The following MAP3K10 variants were observed in gnomAD, a reference collection of about 807,000 sequenced individuals.
The protein encoded by MAP3K10 is mitogen-activated protein kinase kinase kinase 10, also known as MKN28 derived nonreceptor_type serine/threonine kinase.
MAP3K10 carries 22 observed loss-of-function variants against 75.0 expected under a neutral mutation model. The observed-to-expected ratio is 0.29, with a 90% CI of 0.21 to 0.42. The LOEUF (loss-of-function observed/expected upper bound fraction) is 0.42. MAP3K10 is among the 10% of genes least tolerant of loss of function. The pLI, the probability that MAP3K10 is intolerant of heterozygous loss-of-function variation, is 1.00. For synonymous variants in MAP3K10, 599 were observed against 612.9 expected (o/e 0.98, Z 0.34); for missense variants, 1,165 against 1,379.8 (o/e 0.84, Z 2.47).
At chr19:40,203,640 C>G (rs1200431076) in intron 2 of MAP3K10, among the ~76,000 whole-genome samples, 2 of 152,246 alleles carry the variant, frequency 1.3e-5, no homozygotes, top group Non-Finnish European at 2.9e-5. Flanking sequence ...TCAGCTAAAG[C>G]AGGGGTCATA....
chr19:40,201,422 T>C (rs1428735457), intron 2 of MAP3K10, among the ~76,000 whole-genome samples: 1 of 151,892 alleles, frequency 6.6e-6, no homozygotes, highest in Non-Finnish European at 1.5e-5. Context: ...CTTGATCTCT[T>C]GACCTCATGA....
rs374400723 is a variant in MAP3K10, at chr19:40,215,226, C to T, written c.2799C>T (p.Asp933=). ...GPPSVQPTLL[D]MDMEGQNQDS... is the part of the protein sequence containing the mutation. ...CCAGCGTGCAGCCCACACTGCTGGA[C>T]ATGGACATGGAGGGGCAGAACCAAG... The change falls in exon 10 of 10, where the codon GAC becomes GAT. Residue 933 remains aspartate (D), a synonymous_variant. Transcript: ENST00000253055. 1.9e-6 allele frequency: 3 copies of T among 1,564,918 alleles called. No individual in the cohort carries two copies. In the African/African-American group the frequency reaches 4.1e-5, roughly 21 times the overall value.
In MAP3K10 at chr19:40,204,485, C is replaced by T. The variant is rs939515402; in HGVS notation, c.864C>T (p.Ser288=). The T allele has an allele frequency of 1.2e-6, 2 of 1,612,598 alleles. No homozygotes were observed. Among genetic ancestry groups the T allele is most frequent in the African/African-American group, 1.3e-5 (1 of 74,916 alleles). ...SLFSKSSDVW[S]FGVLLWELLT... ...ACCCCTCCCTCTCCCCTGCCTGCAG[C>T]TTCGGGGTGCTGCTGTGGGAGCTGC... Residue 288 remains serine, a splice_region_variant and synonymous_variant, in exon 3 of 10, where the codon AGC becomes AGT. Coordinates refer to ENST00000253055, the MANE Select transcript of MAP3K10 (RefSeq NM_002446.4). The surrounding 1 kb of genome is among the most constrained non-coding windows in gnomAD (Gnocchi z 4.3).
chr19:40,208,096 C>G (rs1032294518), intron 5 of MAP3K10, among the ~76,000 whole-genome samples: 5 of 152,138 alleles, frequency 3.3e-5, no homozygotes, highest in African/African-American at 1.2e-4. Flanking sequence ...TATACATACC[C>G]AAGTTGCTCC....
chr19:40,196,936 G>A (rs1176048010), intron 1 of MAP3K10, among the ~76,000 whole-genome samples: 2 of 152,180 alleles, frequency 1.3e-5, no homozygotes, highest in Non-Finnish European at 2.9e-5. Context: ...GGCTGTTAGT[G>A]ACAACCCGGG....
chr19:40,205,450 TTGG>T lies in MAP3K10; in HGVS notation c.1188+158_1188+160del, dbSNP rs1370187453. The T allele has an allele frequency of 5.4e-6, 4 of 739,342 alleles. No individual in the cohort carries two copies. In the African/African-American group the frequency reaches 7.1e-5, roughly 13 times the overall value. 45.8% of individuals were successfully genotyped at this position (739,342 alleles called of 1,614,324 possible). On this transcript the variant is annotated intron_variant, in intron 4 of 9. Coordinates refer to ENST00000253055, the MANE Select transcript of MAP3K10 (RefSeq NM_002446.4). The surrounding 1 kb of genome is among the most constrained non-coding windows in gnomAD (Gnocchi z 4.3). ...CATATTAAGAAAAGACAGCCTCCTG[TTGG>T]TGGATTAATAAGAAAAAGGCACCCT...
intron 2 of MAP3K10, among the ~76,000 whole-genome samples, chr19:40,200,522 C>G (rs920857123): frequency 6.6e-6 from 1 of 150,948 alleles, no homozygotes; most frequent in African/African-American, 2.4e-5. Flanking sequence ...TGAGACAGAT[C>G]AGACAGGAAG....
Position 40,214,072 on chromosome 19 carries a change from A to C in MAP3K10, c.2393A>C (p.Glu798Ala). 2 of 1,344,410 alleles carry C rather than the reference A, an allele frequency of 1.5e-6. No individual in the cohort carries two copies. Among genetic ancestry groups the C allele is most frequent in the Non-Finnish European group, 1.9e-6 (2 of 1,028,750 alleles). The allele number at this position is 1,344,410 out of a possible 1,614,324, so 83.3% of individuals were successfully genotyped here. The change falls in exon 9 of 10, where the codon GAG becomes GCG. Residue 798 changes from glutamate (E) to alanine (A), a missense_variant. Transcript: ENST00000253055. ...SPSTNPLVDL[E>A]LESFKKDPRQ... ...AGCACCAACCCCCTGGTGGACCTGG[A>C]GCTGGAGAGCTTCAAGAAGGACCCC...
intron 9 of MAP3K10, 21 bp downstream of exon 9, chr19:40,214,242 C>T: frequency 7.3e-7 from 1 of 1,374,510 alleles, no homozygotes. Context: ...CGCCCTGCAC[C>T]CAGGTCACAG....
chr19:40,191,932 C>T lies in MAP3K10; in HGVS notation c.-100C>T. 1.3e-6 allele frequency: 1 copy of T among 772,602 alleles called. No homozygotes were observed. Among genetic ancestry groups the T allele is most frequent in the Non-Finnish European group, 1.9e-6 (1 of 518,460 alleles). The allele number at this position is 772,602 out of a possible 1,614,324, so 47.9% of individuals were successfully genotyped here. A position where few individuals can be genotyped will look rare whatever the true frequency, so the allele number is the denominator to read the frequency against. Reference sequence around the variant, plus strand: ...ATGGCCCTCAGGAGCTCCCTAGACCCCGCAGGGACTGCCCTCCATCCCGGC... The same window carrying T: ...ATGGCCCTCAGGAGCTCCCTAGACCTCGCAGGGACTGCCCTCCATCCCGGC... On this transcript the variant is annotated 5_prime_UTR_variant, in exon 1 of 10. Coordinates refer to ENST00000253055, the MANE Select transcript of MAP3K10 (RefSeq NM_002446.4).
intron 1 of MAP3K10, among the ~76,000 whole-genome samples, chr19:40,197,545 C>T (rs1030880744): frequency 6.6e-6 from 1 of 152,056 alleles, no homozygotes; most frequent in East Asian, 1.9e-4. Context: ...AGGCTGGTCT[C>T]GAACTCCTGA....
rs1405624643 is a variant in MAP3K10 at position 40,215,191 on chromosome 19, C to G, written c.2764C>G (p.Pro922Ala). 5 of 1,589,760 alleles carry G rather than the reference C, an allele frequency of 3.1e-6. No individual in the cohort carries two copies. The highest frequency in any genetic ancestry group is 1.8e-5 in the Admixed American group (1 of 56,872). ...PPSRPDTPES[P>A]GPPSVQPTLL... is the part of the protein sequence containing the mutation. ...CAGCAGGCCAGACACTCCGGAGAGC[C>G]CTGGGCCCCCCAGCGTGCAGCCCAC... Residue 922 changes from proline (P) to alanine (A), a missense_variant, in exon 10 of 10, where the codon CCT (proline) becomes GCT (alanine). Pro to Ala is a conservative substitution (Grantham distance 27). This residue lies in a region of MAP3K10 where 590 missense variants were observed against 586.6 expected (regional missense o/e 1.01). Coordinates refer to ENST00000253055, the MANE Select transcript of MAP3K10 (RefSeq NM_002446.4).
At chr19:40,196,558 A>G (rs1972910537) in intron 1 of MAP3K10, among the ~76,000 whole-genome samples, 1 of 152,182 alleles carries the variant, frequency 6.6e-6, no homozygotes, top group African/African-American at 2.4e-5. Context: ...TCGCTCTGTC[A>G]TCCAGGTTGA....
chr19:40,206,976 G>A (rs551293561), intron 5 of MAP3K10, among the ~76,000 whole-genome samples: 248 of 152,138 alleles, frequency 1.6e-3, no homozygotes, highest in Non-Finnish European at 3.0e-3. Flanking sequence ...GCACACGCCT[G>A]TAATCTCAGT....
Position 40,192,285 on chromosome 19 carries a change from C to G in MAP3K10, c.254C>G (p.Ala85Gly). ...GCCCCCGGCGCCCCCGCTGCACCCG[C>G]GGGCCTCCAGCTGCCCCAGGAGATC... is the stretch of plus-strand genomic sequence containing the variant. ...YVAPGAPAAP[A>G]GLQLPQEIPF... The change falls in exon 1 of 10, where the codon GCG becomes GGG. Residue 85 changes from alanine (A) to glycine (G), a missense_variant. Physicochemically the swap from Ala to Gly is moderately conservative, Grantham distance 60. This residue lies in a region of MAP3K10 where 575 missense variants were observed against 793.2 expected (regional missense o/e 0.72). Coordinates refer to ENST00000253055, the MANE Select transcript of MAP3K10 (RefSeq NM_002446.4). The surrounding 1 kb of genome is among the most constrained non-coding windows in gnomAD (Gnocchi z 7.1). The G allele has an allele frequency of 6.3e-7, 1 of 1,594,086 alleles. No homozygotes were observed. The highest frequency in any genetic ancestry group is 8.5e-7 in the Non-Finnish European group (1 of 1,173,390).
At chr19:40,208,161 G>GT (rs1366919204) in intron 5 of MAP3K10, among the ~76,000 whole-genome samples, 2 of 151,540 alleles carry the variant, frequency 1.3e-5, no homozygotes, top group African/African-American at 4.8e-5. Context: ...TTTGTTGTTT[G>GT]TTTTTTTGTT....
intron 2 of MAP3K10, among the ~76,000 whole-genome samples, chr19:40,203,450 T>C (rs1973061489): frequency 6.6e-6 from 1 of 151,930 alleles, no homozygotes; most frequent in Admixed American, 6.6e-5. Flanking sequence ...GGATGTAGAG[T>C]TTGCAGAGGA....
At position 40,204,354 on chromosome 19, in the gene MAP3K10, T is replaced by C. The variant is rs951660819; in HGVS notation, c.864-131T>C. On this transcript the variant is annotated intron_variant, in intron 2 of 9. Transcript: ENST00000253055. The surrounding 1 kb of genome is among the most constrained non-coding windows in gnomAD (Gnocchi z 4.3). ...CAAGGCCATGGAGGTCAAAGCAAGT[T>C]CTTGTGACCTCATTGGCCGGGGGTG... is the stretch of plus-strand genomic sequence containing the variant. The C allele has an allele frequency of 2.0e-6, 2 of 992,894 alleles. No homozygotes were observed. Among genetic ancestry groups the C allele is most frequent in the South Asian group, 1.8e-5 (1 of 54,586 alleles). 61.5% of individuals were successfully genotyped at this position (992,894 alleles called of 1,614,324 possible). A position where few individuals can be genotyped will look rare whatever the true frequency, so the allele number is the denominator to read the frequency against.
chr19:40,214,353 G>A, intron 9 of MAP3K10, 132 bp downstream of exon 9: 1 of 1,126,546 alleles, frequency 8.9e-7, no homozygotes, highest in Non-Finnish European at 1.2e-6. Flanking sequence ...GAGGGTCTGT[G>A]TCCCTTTACC....
Sources: gnomAD v4.1 joint callset for allele counts (sites outside exome capture counted in the v4.1 genomes callset) on GRCh38, gnomAD v4.1.1 for gene constraint, gnomAD v4.1.1 regional missense constraint, Gnocchi (gnomAD v3.1) non-coding constraint, MANE v1.5 for transcripts, NCBI Gene and HGNC (gene_info 2026-07-23, HGNC 2026-07-21) for gene names.